Variants in STRN observed in about 807,000 individuals in gnomAD.
STRN encodes striatin.
STRN carries 53 observed loss-of-function variants against 96.3 expected under a neutral mutation model. The ratio of observed to expected loss-of-function variants is 0.55; its 90% CI spans 0.44 to 0.69. STRN has a LOEUF of 0.69. STRN is among the 30% of genes least tolerant of loss of function. The pLI, the probability that STRN is intolerant of heterozygous loss-of-function variation, is 0.00. For synonymous variants in STRN, 428 were observed against 355.9 expected, an observed-to-expected ratio of 1.20 and a Z score of -2.28; for missense variants, 987 against 963.9, an observed-to-expected ratio of 1.02 and a Z score of -0.32.
At chr2:36,875,494 A>G in intron 10 of STRN, among the ~76,000 whole-genome samples, 1 of 113,940 alleles carries the variant, frequency 8.8e-6, no homozygotes, top group African/African-American at 3.2e-5. Context: ...CAGCAGAGTG[A>G]GACTCTGCCT....
At chr2:36,963,472 G>A (rs933298858) in intron 1 of STRN, among the ~76,000 whole-genome samples, 4 of 152,120 alleles carry the variant, frequency 2.6e-5, no homozygotes, top group African/African-American at 9.7e-5. Context: ...GAAAAATAAA[G>A]AAGATTCAAA....
intron 3 of STRN, among the ~76,000 whole-genome samples, chr2:36,913,066 G>C (rs1057413914): frequency 6.6e-6 from 1 of 152,100 alleles, no homozygotes; most frequent in African/African-American, 2.4e-5. Flanking sequence ...ACACACCCTT[G>C]TCAAGGAAAC....
intron 1 of STRN, among the ~76,000 whole-genome samples, chr2:36,936,879 G>T (rs1169786031): frequency 2.0e-5 from 3 of 152,100 alleles, no homozygotes; most frequent in African/African-American, 4.8e-5. Flanking sequence ...TCAGAATAAA[G>T]CATGTGTGTT....
Position 36,861,167 on chromosome 2 carries a change from G to A in STRN, c.1634C>T (p.Thr545Ile), listed in dbSNP as rs768417249. The A allele has an allele frequency of 3.7e-6, 6 of 1,613,744 alleles. No individual in the cohort carries two copies. The Admixed American group carries it at 8.3e-5, about 22-fold the overall frequency. Residue 545 changes from threonine to isoleucine, a missense_variant, in exon 13 of 18, where the codon ACC (threonine) becomes ATC (isoleucine). Physicochemically the swap from Thr to Ile is moderately conservative, Grantham distance 89. Transcript: ENST00000263918. Reference sequence around the variant, plus strand: ...ATAGGGGTCGATGTTGGGATTAGTGGTATTCCAGCCCTGGATCAGTCCATC... The same window carrying A: ...ATAGGGGTCGATGTTGGGATTAGTGATATTCCAGCCCTGGATCAGTCCATC... The part of the protein sequence containing the change: ...GTDGLIQGWN[T>I]TNPNIDPYDS...
In STRN at chr2:36,899,653, G is replaced by C; in HGVS notation, c.665C>G (p.Ser222Cys). 3.7e-6 allele frequency: 6 copies of C among 1,606,150 alleles called. 1 individual carries two copies. In the Middle Eastern group the frequency reaches 9.9e-4, roughly 266 times the overall value. ...EVKETAMIAK[S>C]ELTDSASVLD... ...CACGGAGGCAGAATCTGTTAACTCA[G>C]ATTTTCTGGTGTAAAACATGTATAT... Residue 222 changes from serine to cysteine, a missense_variant, in exon 6 of 18, where the codon TCT becomes TGT. Ser to Cys is a moderately radical substitution (Grantham distance 112, BLOSUM62 -1). Transcript: ENST00000263918.
chr2:36,902,979 C>A (rs532784470), intron 4 of STRN: 1 of 288,200 alleles, frequency 3.5e-6, no homozygotes, highest in Non-Finnish European at 6.3e-6. Flanking sequence ...ATACAATACA[C>A]CATTCATTAC....
At chr2:36,922,668 A>G (rs1213034040) in intron 2 of STRN, among the ~76,000 whole-genome samples, 1 of 152,210 alleles carries the variant, frequency 6.6e-6, no homozygotes, top group South Asian at 2.1e-4. Context: ...ACCACAACCA[A>G]CATCCTACTC....
intron 14 of STRN, among the ~76,000 whole-genome samples, chr2:36,855,593 C>G (rs1353858810): frequency 6.6e-6 from 1 of 152,144 alleles, no homozygotes; most frequent in Non-Finnish European, 1.5e-5. Flanking sequence ...CTGATATATT[C>G]ATGGAATGCA....
intron 12 of STRN, among the ~76,000 whole-genome samples, chr2:36,866,106 GCT>G (rs550489338): frequency 2.2e-4 from 33 of 151,922 alleles, no homozygotes; most frequent in Non-Finnish European, 3.4e-4. Context: ...GGTATCGCTC[GCT>G]CTGTTTCCCA....
At chr2:36,935,899 A>C (rs546125868) in intron 1 of STRN, among the ~76,000 whole-genome samples, 1 of 152,318 alleles carries the variant, frequency 6.6e-6, no homozygotes, top group African/African-American at 2.4e-5. Flanking sequence ...TTTAATTCTC[A>C]GTTTTTTTGC....
chr2:36,949,990 A>G (rs931031178), intron 1 of STRN, among the ~76,000 whole-genome samples: 3 of 152,180 alleles, frequency 2.0e-5, no homozygotes, highest in Non-Finnish European at 2.9e-5. Context: ...GCAAGATCAC[A>G]AGAGACTGAG....
At chr2:36,878,379 A>C (rs892290379) in intron 9 of STRN, among the ~76,000 whole-genome samples, 4 of 152,246 alleles carry the variant, frequency 2.6e-5, no homozygotes, top group African/African-American at 9.6e-5. Flanking sequence ...TAATTACTAA[A>C]TATATGTACA....
intron 6 of STRN, among the ~76,000 whole-genome samples, chr2:36,894,811 T>G (rs1446835274): frequency 2.6e-5 from 4 of 151,962 alleles, no homozygotes; most frequent in Non-Finnish European, 5.9e-5. Context: ...GACTAGAGAG[T>G]TGAGAAGTAG....
At chr2:36,855,100 A>T in intron 15 of STRN, 112 bp downstream of exon 15, 1 of 944,638 alleles carries the variant, frequency 1.1e-6, no homozygotes, top group Non-Finnish European at 1.5e-6. Context: ...TCTGAAAGTT[A>T]AGAGACAGAA....
At chr2:36,925,298 T>C (rs1670380552) in intron 1 of STRN, 90 bp from the exon 2 acceptor site, 3 of 803,466 alleles carry the variant, frequency 3.7e-6, no homozygotes, top group African/African-American at 1.7e-5. Flanking sequence ...GTTTGAACAA[T>C]TAGATGCAAA....
At chr2:36,883,833 G>A (rs1669141378) in intron 9 of STRN, 99 bp downstream of exon 9, 5 of 1,153,636 alleles carry the variant, frequency 4.3e-6, no homozygotes, top group Middle Eastern at 2.7e-4. Context: ...AACATCTGCA[G>A]AATAAAGTTC....
chr2:36,878,778 A>G (rs1668989012), intron 9 of STRN, among the ~76,000 whole-genome samples: 1 of 151,502 alleles, frequency 6.6e-6, no homozygotes. Flanking sequence ...TCTGAGACAG[A>G]GTCTCGTTCT....
At chr2:36,863,187 T>A (rs1040333958) in intron 12 of STRN, among the ~76,000 whole-genome samples, 1 of 152,196 alleles carries the variant, frequency 6.6e-6, no homozygotes, top group East Asian at 1.9e-4. Flanking sequence ...TAGGTCCCAT[T>A]TGTCATTTTT....
At chr2:36,859,201 A>G (rs1052907207) in intron 13 of STRN, among the ~76,000 whole-genome samples, 6 of 152,296 alleles carry the variant, frequency 3.9e-5, no homozygotes, top group African/African-American at 1.2e-4. Flanking sequence ...GGGCAGCAGG[A>G]TCAAGTATGT....
Sources: allele counts gnomAD v4.1 joint callset (sites outside exome capture counted in the v4.1 genomes callset), GRCh38; gene constraint gnomAD v4.1.1; transcripts MANE v1.5; gene names NCBI Gene and HGNC (gene_info 2026-07-23, HGNC 2026-07-21).